Variants in KRAS observed in about 807,000 individuals in gnomAD.
The protein encoded by KRAS is KRas proto-oncogene, GTPase, also known as GTPase KRas.
In KRAS, 1 loss-of-function variant was observed where a neutral mutation model predicts 21.0. That is an observed-to-expected ratio of 0.05 (90% CI 0.02 to 0.23). The LOEUF is 0.23. Ranked by LOEUF, KRAS falls within the 10% of genes least tolerant of loss-of-function variation. The pLI, the probability that KRAS is intolerant of heterozygous loss-of-function variation, is 1.00. For synonymous variants in KRAS, 67 were observed against 72.5 expected (o/e 0.92, Z 0.39); for missense variants, 107 against 221.8 (o/e 0.48, Z 3.29).
At chr12:25,236,681 G>C (rs1225070554) in intron 2 of KRAS, among the ~76,000 whole-genome samples, 1 of 151,914 alleles carries the variant, frequency 6.6e-6, no homozygotes, top group Non-Finnish European at 1.5e-5. Flanking sequence ...GCAGAGACTG[G>C]GAGATGAGCT....
chr12:25,228,952 A>T (rs1041396617), intron 2 of KRAS, among the ~76,000 whole-genome samples: 1 of 152,042 alleles, frequency 6.6e-6, no homozygotes, highest in African/African-American at 2.4e-5. Flanking sequence ...CCAGCTACTC[A>T]GGAGGCTGAG....
chr12:25,227,188 A>G, intron 3 of KRAS, 46 bp downstream of exon 3: 1 of 1,440,612 alleles, frequency 6.9e-7, no homozygotes, highest in Non-Finnish European at 9.7e-7. Context: ...AATAAAAACT[A>G]TAATTACTCC....
intron 2 of KRAS, among the ~76,000 whole-genome samples, chr12:25,235,398 T>C (rs534224091): frequency 6.6e-6 from 1 of 152,226 alleles, no homozygotes; most frequent in South Asian, 2.1e-4. Flanking sequence ...AAACAGGGAA[T>C]TTAGGGTATG....
intron 1 of KRAS, among the ~76,000 whole-genome samples, chr12:25,246,896 G>A (rs1236846069): frequency 1.0e-4 from 15 of 147,682 alleles, no homozygotes; most frequent in African/African-American, 3.0e-4. Context: ...CAGCCTGGGC[G>A]ACAGAGCCAC....
At chr12:25,225,557 A>C in intron 4 of KRAS, 57 bp downstream of exon 4, 1 of 1,500,108 alleles carries the variant, frequency 6.7e-7, no homozygotes, top group Non-Finnish European at 9.3e-7. Flanking sequence ...ATATTAAATG[A>C]CATAACAGTT....
intron 2 of KRAS, among the ~76,000 whole-genome samples, chr12:25,243,198 T>A (rs1404466201): frequency 5.3e-5 from 8 of 152,172 alleles, no homozygotes; most frequent in Admixed American, 4.6e-4. Context: ...TAACCAACTA[T>A]TTAACTACTA....
At chr12:25,214,387 CTTTTT>C (rs143313927) in intron 4 of KRAS, among the ~76,000 whole-genome samples, 15 of 139,994 alleles carry the variant, frequency 1.1e-4, no homozygotes, top group Non-Finnish European at 2.0e-4. Context: ...GCTAAAATGA[CTTTTT>C]TTTTTTTTTT....
chr12:25,246,998 T>C (rs550385573), intron 1 of KRAS, among the ~76,000 whole-genome samples: 4 of 152,116 alleles, frequency 2.6e-5, no homozygotes, highest in Non-Finnish European at 4.4e-5. Flanking sequence ...ATACACTGTC[T>C]CCCAAGAGGT....
At chr12:25,244,776 T>C (rs1402610617) in intron 2 of KRAS, among the ~76,000 whole-genome samples, 1 of 152,124 alleles carries the variant, frequency 6.6e-6, no homozygotes, top group Non-Finnish European at 1.5e-5. Flanking sequence ...AACCACACCT[T>C]AGGCAAATAA....
At chr12:25,238,268 G>A (rs577345427) in intron 2 of KRAS, among the ~76,000 whole-genome samples, 3 of 152,190 alleles carry the variant, frequency 2.0e-5, no homozygotes, top group South Asian at 4.1e-4. Flanking sequence ...TGAAAATAAC[G>A]ATATAATGAG....
At chr12:25,245,574 G>T (rs921414012) in intron 1 of KRAS, among the ~76,000 whole-genome samples, 179 bp from the exon 2 acceptor site, 1 of 152,050 alleles carries the variant, frequency 6.6e-6, no homozygotes, top group Non-Finnish European at 1.5e-5. Context: ...GACGTGTATC[G>T]TAATGAACTG....
At chr12:25,225,286 TTA>T (rs68164603) in intron 4 of KRAS, 1 of 10,622 alleles carries the variant, frequency 9.4e-5, no homozygotes, top group African/African-American at 4.6e-4. Context: ...GCCCTGTTCT[TTA>T]TATATATATA....
chr12:25,230,181 T>C (rs1414752142), intron 2 of KRAS, among the ~76,000 whole-genome samples: 1 of 152,330 alleles, frequency 6.6e-6, no homozygotes, highest in East Asian at 1.9e-4. Flanking sequence ...TCAAAATGTT[T>C]ACAGTATAAG....
chr12:25,219,509 T>C (rs1951295151), intron 4 of KRAS, among the ~76,000 whole-genome samples: 1 of 152,198 alleles, frequency 6.6e-6, no homozygotes. Flanking sequence ...TTGTTTTAAG[T>C]AAGTTTTTGT....
chr12:25,248,738 T>C (rs538559290), intron 1 of KRAS, among the ~76,000 whole-genome samples: 4 of 151,444 alleles, frequency 2.6e-5, no homozygotes, highest in African/African-American at 9.7e-5. Flanking sequence ...CACCGAGAGT[T>C]AGAAAAGCTA....
intron 4 of KRAS, among the ~76,000 whole-genome samples, chr12:25,220,262 T>C (rs1951304362): frequency 6.6e-6 from 1 of 152,194 alleles, no homozygotes; most frequent in African/African-American, 2.4e-5. Context: ...CCTTATACAC[T>C]AGGAACATAG....
intron 3 of KRAS, 35 bp downstream of exon 3, chr12:25,227,198 CT>C: frequency 6.7e-7 from 1 of 1,495,486 alleles, no homozygotes; most frequent in Non-Finnish European, 9.3e-7. Flanking sequence ...ATAATTACTC[CT>C]TAATGTCAGC....
At chr12:25,239,962 A>C (rs1415781971) in intron 2 of KRAS, among the ~76,000 whole-genome samples, 2 of 152,130 alleles carry the variant, frequency 1.3e-5, no homozygotes, top group Admixed American at 1.3e-4. Flanking sequence ...CAAAAACAAA[A>C]AAAAAAATTA....
At chr12:25,243,008 T>C (rs571832784) in intron 2 of KRAS, among the ~76,000 whole-genome samples, 2 of 152,332 alleles carry the variant, frequency 1.3e-5, no homozygotes, top group African/African-American at 4.8e-5. Flanking sequence ...AAAATTTATT[T>C]CCATTTTAAA....
Sources: gnomAD v4.1 joint callset for allele counts (sites outside exome capture counted in the v4.1 genomes callset) on GRCh38, gnomAD v4.1.1 for gene constraint, MANE v1.5 for transcripts, NCBI Gene and HGNC (gene_info 2026-07-23, HGNC 2026-07-21) for gene names.